The following GSN variants were observed in gnomAD, a reference collection of about 807,000 sequenced individuals.
GSN encodes gelsolin.
A neutral mutation model predicts 85.7 loss-of-function variants in GSN; 56 were observed. That is an observed-to-expected ratio of 0.65 (90% CI 0.53 to 0.82). GSN has a LOEUF of 0.82. Ranked by LOEUF, GSN falls within the 40% of genes least tolerant of loss-of-function variation. The pLI is 0.00. For synonymous variants in GSN, 373 were observed against 399.1 expected (o/e 0.93, Z 0.78); for missense variants, 857 against 979.8 (o/e 0.87, Z 1.67).
At chr9:121,295,804 C>G (rs939935700) in intron 2 of GSN, among the ~76,000 whole-genome samples, 1 of 152,204 alleles carries the variant, frequency 6.6e-6, no homozygotes. Context: ...CAGGAATAGC[C>G]GAGATCAGAG....
chr9:121,306,665 G>A (rs1040304419), intron 4 of GSN, among the ~76,000 whole-genome samples: 2 of 152,140 alleles, frequency 1.3e-5, no homozygotes, highest in Non-Finnish European at 2.9e-5. Flanking sequence ...CTAATGATTA[G>A]ACCACAGAAA....
intron 11 of GSN, 50 bp from the exon 12 acceptor site, chr9:121,324,504 G>A: frequency 1.1e-6 from 1 of 923,856 alleles, no homozygotes; most frequent in Non-Finnish European, 1.7e-6. Context: ...CAAGGGAGAG[G>A]CTCAGGGCTC....
intron 10 of GSN, 123 bp from the exon 11 acceptor site, chr9:121,321,145 C>T (rs1224552941): frequency 1.9e-6 from 2 of 1,044,972 alleles, no homozygotes; most frequent in East Asian, 4.7e-5. Context: ...CCAGTCCGAG[C>T]CCAAGTGATT....
Position 121,299,552 on chromosome 9 carries a change from C to G in GSN, c.-9-2411C>G. 2 of 821,944 alleles carry G rather than the reference C, an allele frequency of 2.4e-6. No homozygotes were observed. Among genetic ancestry groups the G allele is most frequent in the Non-Finnish European group, 2.9e-6 (2 of 680,584 alleles). 50.9% of individuals were successfully genotyped at this position (821,944 alleles called of 1,614,324 possible). On this transcript the variant is annotated intron_variant, in intron 2 of 17. Coordinates refer to ENST00000432226, the MANE Select transcript of GSN (RefSeq NM_198252.3). This position sits in a 1 kb window ranked among gnomAD's most constrained non-coding sequence, Gnocchi z 4.2. ...GCGGAGAGGCGAGGGGGCTCGCGTG[C>G]GTCGCAGGAGGCTCAGCTGGGCTCG...
chr9:121,327,497 G>T lies in GSN; in HGVS notation c.1762+15G>T, dbSNP rs747136101. 6 of 1,549,228 alleles carry T rather than the reference G, an allele frequency of 3.9e-6. No homozygotes were observed. The highest frequency in any genetic ancestry group is 2.4e-5 in the South Asian group (2 of 84,892). ...CAGCGAGCCAGGTAGGAGCCGGGGT[G>T]GGGGGCCTGCTGCTGTCCGGATGCA... On this transcript the variant is annotated intron_variant, in intron 14 of 17. Coordinates refer to ENST00000432226, the MANE Select transcript of GSN (RefSeq NM_198252.3).
intron 6 of GSN, among the ~76,000 whole-genome samples, chr9:121,249,989 G>C (rs1417218443): frequency 6.6e-6 from 1 of 152,172 alleles, no homozygotes; most frequent in Non-Finnish European, 1.5e-5. Flanking sequence ...AGAGAAGAAA[G>C]AGGGCTGTGT....
intron 2 of GSN, among the ~76,000 whole-genome samples, chr9:121,289,105 G>A (rs2058426250): frequency 6.6e-6 from 1 of 152,112 alleles, no homozygotes; most frequent in African/African-American, 2.4e-5. Flanking sequence ...TTGGTGCCTG[G>A]GGCCCCAGCA....
intron 4 of GSN, among the ~76,000 whole-genome samples, chr9:121,212,449 C>T (rs2053985180): frequency 6.6e-6 from 1 of 152,168 alleles, no homozygotes; most frequent in African/African-American, 2.4e-5. Flanking sequence ...CCACCCTCTT[C>T]TCTCCCTGCC....
At chr9:121,225,008 G>A (rs559258095) in intron 4 of GSN, among the ~76,000 whole-genome samples, 2 of 152,008 alleles carry the variant, frequency 1.3e-5, no homozygotes, top group East Asian at 3.9e-4. Context: ...TTGTTGAGAC[G>A]GGATCTCCCT....
intron 5 of GSN, among the ~76,000 whole-genome samples, chr9:121,236,435 G>A (rs1236004847): frequency 2.6e-5 from 4 of 151,884 alleles, no homozygotes; most frequent in Non-Finnish European, 5.9e-5. Context: ...GGCTGGTCTC[G>A]AACTCCTGAC....
intron 6 of GSN, among the ~76,000 whole-genome samples, chr9:121,255,598 A>C (rs894037152): frequency 6.6e-6 from 1 of 152,190 alleles, no homozygotes; most frequent in African/African-American, 2.4e-5. Flanking sequence ...TACACATAAA[A>C]ATATAGATAT....
intron 4 of GSN, among the ~76,000 whole-genome samples, chr9:121,216,928 T>C (rs553747033): frequency 2.6e-5 from 4 of 152,378 alleles, no homozygotes; most frequent in Admixed American, 2.6e-4. Context: ...GACTGTCTTC[T>C]TCCTGTGTCT....
At chr9:121,327,555 TG>T in intron 14 of GSN, 73 bp downstream of exon 14, 2 of 1,293,564 alleles carry the variant, frequency 1.5e-6, no homozygotes. Context: ...TCCTTCAGCT[TG>T]GGGGCTCTAA....
rs370997492 is a variant in GSN, at chr9:121,326,512, A to G, written c.1417A>G (p.Ser473Gly). 64 of 1,613,384 alleles carry G rather than the reference A, an allele frequency of 4.0e-5. No individual in the cohort carries two copies. Among genetic ancestry groups the G allele is most frequent in the Admixed American group, 1.7e-4 (10 of 60,000 alleles). Residue 473 changes from serine to glycine, a missense_variant and splice_region_variant, in exon 13 of 18, where the codon AGC becomes GGC. Physicochemically the swap from Ser to Gly is moderately conservative, Grantham distance 56 (BLOSUM62 0). Coordinates refer to ENST00000432226, the MANE Select transcript of GSN (RefSeq NM_198252.3). ...ACTTGCTCTCCTGTCTCCCTGCCAG[A>G]GCCGTGTGGTCCAAGGCAAGGAGCC... The part of the protein sequence containing the change: ...DEELGGTPVQ[S>G]RVVQGKEPAH...
chr9:121,297,362 G>A (rs980044165), intron 2 of GSN, among the ~76,000 whole-genome samples: 9 of 151,948 alleles, frequency 5.9e-5, no homozygotes, highest in African/African-American at 2.2e-4. Context: ...GATTTAATTG[G>A]TTATATAATC....
intron 1 of GSN, among the ~76,000 whole-genome samples, chr9:121,208,889 C>G (rs972409073): frequency 1.3e-5 from 2 of 152,238 alleles, no homozygotes; most frequent in African/African-American, 4.8e-5. Context: ...TGATGTTAAA[C>G]CCTGAGGCCA....
At chr9:121,291,822 A>G (rs2058721980) in intron 2 of GSN, among the ~76,000 whole-genome samples, 1 of 152,168 alleles carries the variant, frequency 6.6e-6, no homozygotes, top group Non-Finnish European at 1.5e-5. Context: ...AAGCTCAGAG[A>G]GGTTGTGTCC....
chr9:121,315,629 G>C (rs1391650699), intron 7 of GSN, among the ~76,000 whole-genome samples: 1 of 152,166 alleles, frequency 6.6e-6, no homozygotes, highest in Non-Finnish European at 1.5e-5. Context: ...GCCAGGCGTG[G>C]TGGCGGGTGC....
intron 10 of GSN, among the ~76,000 whole-genome samples, chr9:121,319,910 C>T (rs1050748044): frequency 1.2e-4 from 19 of 152,124 alleles, no homozygotes; most frequent in South Asian, 6.2e-4. Flanking sequence ...AACTTGACTC[C>T]GTTCCTAATG....
Sources: allele counts gnomAD v4.1 joint callset (sites outside exome capture counted in the v4.1 genomes callset), GRCh38; gene constraint gnomAD v4.1.1; non-coding constraint Gnocchi (gnomAD v3.1); transcripts MANE v1.5; gene names NCBI Gene and HGNC (gene_info 2026-07-23, HGNC 2026-07-21).